Variants in MKLN1 observed in about 807,000 individuals in gnomAD.
MKLN1 encodes the protein muskelin 1.
A neutral mutation model predicts 99.0 loss-of-function variants in MKLN1; 18 were observed. That is an observed-to-expected ratio of 0.18 (90% confidence interval 0.13 to 0.27). The LOEUF (loss-of-function observed/expected upper bound fraction) is 0.27. Ranked by LOEUF, MKLN1 falls within the 10% of genes least tolerant of loss-of-function variation. MKLN1 has a pLI of 1.00. For missense variants in MKLN1, 621 were observed against 875.9 expected (o/e 0.71, Z 3.67); for synonymous variants, 288 against 293.2 (o/e 0.98, Z 0.18).
intron 17 of MKLN1, among the ~76,000 whole-genome samples, chr7:131,482,637 A>G (rs969828195): frequency 6.6e-6 from 1 of 152,152 alleles, no homozygotes. Flanking sequence ...TGTGAGATGG[A>G]AGAATCTCTT....
chr7:131,231,406 A>AACCT lies in MKLN1; in HGVS notation c.-179+28433_-179+28436dup, dbSNP rs140272126. Among the ~76,000 whole-genome samples the AACCT allele has an allele frequency of 2.0e-3, 303 of 152,158 alleles. 10 individuals carry two copies. In the East Asian group the frequency reaches 0.054, roughly 27 times the overall value. On this transcript the variant is annotated intron_variant, in intron 3 of 7. Transcript: ENST00000416992. ...TGAAGCACTTGGCTCCATCGTCTTGAACCTGTACAGCTGTCTTCCCCTTGG... is the reference window on the plus strand; with the variant it reads ...TGAAGCACTTGGCTCCATCGTCTTGAACCTACCTGTACAGCTGTCTTCCCCTTGG...
chr7:131,390,059 T>C (rs918073695), intron 4 of MKLN1, among the ~76,000 whole-genome samples: 3 of 152,282 alleles, frequency 2.0e-5, no homozygotes, highest in African/African-American at 7.2e-5. Flanking sequence ...GGAGCAAACA[T>C]AGTCATTGTT....
At chr7:131,250,903 T>G (rs1797567743) in intron 3 of MKLN1, among the ~76,000 whole-genome samples, 1 of 152,028 alleles carries the variant, frequency 6.6e-6, no homozygotes, top group Admixed American at 6.6e-5. Flanking sequence ...AGTAACAGGT[T>G]TCTGGAGAAA....
chr7:131,252,330 T>TC (rs1383186435), intron 3 of MKLN1, among the ~76,000 whole-genome samples: 1 of 21,220 alleles, frequency 4.7e-5, no homozygotes, highest in Non-Finnish European at 1.4e-4. Flanking sequence ...TTTTCTTTTC[T>TC]TTTTTTTTTT....
chr7:131,241,652 C>A (rs1025271526), intron 3 of MKLN1, among the ~76,000 whole-genome samples: 3 of 152,148 alleles, frequency 2.0e-5, no homozygotes, highest in Non-Finnish European at 4.4e-5. Context: ...CTTGTCTAAA[C>A]AAAACAAAGC....
intron 2 of MKLN1, among the ~76,000 whole-genome samples, chr7:131,147,323 G>A (rs137990795): frequency 0.014 from 2,068 of 151,760 alleles, 53 homozygotes; most frequent in African/African-American, 0.048. Context: ...CTCCCAAAGG[G>A]CTGGGATTAT....
intron 3 of MKLN1, among the ~76,000 whole-genome samples, chr7:131,317,029 AC>A (rs2116651885): frequency 6.6e-6 from 1 of 152,348 alleles, no homozygotes; most frequent in East Asian, 1.9e-4. Context: ...GTTGGAAAAC[AC>A]ACTTCAGGAT....
chr7:131,291,226 G>A (rs764802886), intron 3 of MKLN1, among the ~76,000 whole-genome samples: 121 of 151,688 alleles, frequency 8.0e-4, no homozygotes, highest in Non-Finnish European at 1.4e-3. Context: ...CGCCTCCCAG[G>A]TTCAAGCAAT....
In MKLN1 at chr7:131,437,141, G is replaced by A. The variant is rs963348361; in HGVS notation, c.961-644G>A. On this transcript the variant is annotated intron_variant, in intron 9 of 17. Coordinates refer to ENST00000352689, the MANE Select transcript of MKLN1 (RefSeq NM_013255.5). Reference sequence around the variant, plus strand: ...GCACAATGTGAAGGTTTGATAGATAGGTATACATGTGCCATGTTGGTTTGC... The same window carrying A: ...GCACAATGTGAAGGTTTGATAGATAAGTATACATGTGCCATGTTGGTTTGC... 4.6e-5 allele frequency among the ~76,000 whole-genome samples: 7 copies of A among 151,934 alleles called. No homozygotes were observed. In the South Asian group the frequency reaches 1.0e-3, roughly 23 times the overall value.
At position 131,403,488 on chromosome 7, in the gene MKLN1, T is replaced by A. The variant is rs114052575; in HGVS notation, c.703+4055T>A. Among the ~76,000 whole-genome samples, 1,028 of 152,342 alleles carry A rather than the reference T, an allele frequency of 6.7e-3. 6 individuals carry two copies. The highest frequency in any genetic ancestry group is 0.023 in the African/African-American group (952 of 41,594). ...TTCACTTGTAATTTCCTTCAAGAACTTTTCCTTCTCATTTACAACTTGGTC... is the reference window on the plus strand; with the variant it reads ...TTCACTTGTAATTTCCTTCAAGAACATTTCCTTCTCATTTACAACTTGGTC... On this transcript the variant is annotated intron_variant, in intron 6 of 17. Coordinates refer to ENST00000352689, the MANE Select transcript of MKLN1 (RefSeq NM_013255.5).
chr7:131,349,433 G>A (rs1799656287), intron 1 of MKLN1, among the ~76,000 whole-genome samples: 1 of 152,154 alleles, frequency 6.6e-6, no homozygotes, highest in Non-Finnish European at 1.5e-5. Flanking sequence ...TTGACCTTGT[G>A]ATCCACCTGC....
intron 3 of MKLN1, among the ~76,000 whole-genome samples, chr7:131,311,392 A>G (rs143002094): frequency 0.015 from 2,324 of 152,296 alleles, 203 homozygotes; most frequent in Admixed American, 0.14. Context: ...TAACATAATA[A>G]TCATAATTAT....
intron 1 of MKLN1, among the ~76,000 whole-genome samples, chr7:131,133,819 GGTTTTTTTTT>G (rs1795603415): frequency 4.5e-5 from 3 of 67,240 alleles, no homozygotes; most frequent in African/African-American, 1.0e-4. Flanking sequence ...TTTTTAATTT[GGTTTTTTTTT>G]TTTTTTTTTT....
intron 1 of MKLN1, among the ~76,000 whole-genome samples, chr7:131,362,814 A>T (rs1800070290): frequency 1.3e-5 from 2 of 151,406 alleles, no homozygotes; most frequent in Admixed American, 1.3e-4. Flanking sequence ...TTGGGGGAGG[A>T]TTTTTAAAAA....
At chr7:131,228,997 T>TTA (rs1797199342) in intron 3 of MKLN1, among the ~76,000 whole-genome samples, 2 of 152,174 alleles carry the variant, frequency 1.3e-5, no homozygotes, top group East Asian at 3.9e-4. Flanking sequence ...GGTGGTCAGG[T>TTA]TATAGTCTGG....
At chr7:131,196,401 C>T (rs902780838) in intron 2 of MKLN1, among the ~76,000 whole-genome samples, 24 of 152,274 alleles carry the variant, frequency 1.6e-4, no homozygotes, top group African/African-American at 5.3e-4. Context: ...TTCATCAAAG[C>T]GAATGTGTCT....
At chr7:131,405,505 G>T (rs1363816181) in intron 6 of MKLN1, among the ~76,000 whole-genome samples, 1 of 151,960 alleles carries the variant, frequency 6.6e-6, no homozygotes, top group Non-Finnish European at 1.5e-5. Flanking sequence ...AGATTAATTT[G>T]CTGTCTTTTT....
At chr7:131,447,967 A>G (rs1389434478) in intron 12 of MKLN1, among the ~76,000 whole-genome samples, 1 of 152,174 alleles carries the variant, frequency 6.6e-6, no homozygotes, top group Non-Finnish European at 1.5e-5. Flanking sequence ...GGTGGCTTAC[A>G]CCTGTAATCC....
At chr7:131,218,791 C>T (rs10240688) in intron 3 of MKLN1, among the ~76,000 whole-genome samples, 33 of 152,268 alleles carry the variant, frequency 2.2e-4, no homozygotes, top group African/African-American at 7.0e-4. Flanking sequence ...ACCTTCCCCC[C>T]GACCCCCGAC....
Sources: gnomAD v4.1 joint callset for allele counts (sites outside exome capture counted in the v4.1 genomes callset) on GRCh38, gnomAD v4.1.1 for gene constraint, MANE v1.5 for transcripts, NCBI Gene and HGNC (gene_info 2026-07-23, HGNC 2026-07-21) for gene names.